ABTB3: variants seen among roughly 807,000 people sequenced by gnomAD.
ABTB3 encodes the protein ankyrin repeat- and BTB/POZ domain-containing protein 3.
chr12:107,366,706 G>A, the ABTB3 span, among the ~76,000 whole-genome samples: 2 of 152,176 alleles, frequency 1.3e-5, no homozygotes, highest in African/African-American at 4.8e-5. Flanking sequence ...AAAATGGGGT[G>A]GAAAATAGAC....
chr12:107,416,758 A>G, the ABTB3 span, among the ~76,000 whole-genome samples: 2 of 152,154 alleles, frequency 1.3e-5, no homozygotes, highest in African/African-American at 4.8e-5. Context: ...CCTCCCAAAT[A>G]GCTGTGACTA....
At chr12:107,467,500 G>A in the ABTB3 span, among the ~76,000 whole-genome samples, 1 of 152,072 alleles carries the variant, frequency 6.6e-6, no homozygotes, top group Non-Finnish European at 1.5e-5. Context: ...AATTGTTCAC[G>A]AATTGAATCT....
At chr12:107,454,613 T>G in the ABTB3 span, among the ~76,000 whole-genome samples, 1 of 152,132 alleles carries the variant, frequency 6.6e-6, no homozygotes, top group Non-Finnish European at 1.5e-5. Flanking sequence ...TTGCCACCTT[T>G]TCAGGCAGGC....
chr12:107,463,334 TTGA>T, the ABTB3 span, among the ~76,000 whole-genome samples: 5 of 151,378 alleles, frequency 3.3e-5, no homozygotes, highest in Non-Finnish European at 1.5e-5. Context: ...GTGATGGTGG[TTGA>T]TGATGATGAT....
At chr12:107,611,385 T>G in the ABTB3 span, among the ~76,000 whole-genome samples, 817 of 152,310 alleles carry the variant, frequency 5.4e-3, 6 homozygotes, top group Non-Finnish European at 8.4e-3. Flanking sequence ...CTTGCTACAC[T>G]GCCCAGGCTT....
the ABTB3 span, among the ~76,000 whole-genome samples, chr12:107,539,158 G>A: frequency 2.0e-5 from 3 of 152,100 alleles, no homozygotes; most frequent in African/African-American, 2.4e-5. Flanking sequence ...CTAAATGCCC[G>A]GAGACATGGT....
At chr12:107,544,527 C>G in the ABTB3 span, among the ~76,000 whole-genome samples, 1 of 152,178 alleles carries the variant, frequency 6.6e-6, no homozygotes, top group Non-Finnish European at 1.5e-5. Flanking sequence ...ACCAGAAGCA[C>G]CTACTCAGCC....
the ABTB3 span, among the ~76,000 whole-genome samples, chr12:107,636,672 A>G: frequency 6.6e-6 from 1 of 152,220 alleles, no homozygotes; most frequent in Non-Finnish European, 1.5e-5. Flanking sequence ...TGTGTAGAGG[A>G]AAACTGGGAT....
chr12:107,323,040 C>A, the ABTB3 span, among the ~76,000 whole-genome samples: 1 of 152,216 alleles, frequency 6.6e-6, no homozygotes, highest in African/African-American at 2.4e-5. Context: ...TTATTAGATA[C>A]CTTTTTGAGT....
chr12:107,576,943 T>C, the ABTB3 span, among the ~76,000 whole-genome samples: 1 of 152,130 alleles, frequency 6.6e-6, no homozygotes, highest in African/African-American at 2.4e-5. Flanking sequence ...CTTCTCTCCA[T>C]CTTCCCTAGT....
the ABTB3 span, among the ~76,000 whole-genome samples, chr12:107,603,917 C>G: frequency 3.3e-5 from 5 of 152,144 alleles, no homozygotes; most frequent in African/African-American, 1.2e-4. Flanking sequence ...TGCCTGTAAT[C>G]CCAGCACTTT....
chr12:107,507,486 G>A, the ABTB3 span, among the ~76,000 whole-genome samples: 1 of 152,048 alleles, frequency 6.6e-6, no homozygotes, highest in African/African-American at 2.4e-5. Flanking sequence ...TGGTTATTCT[G>A]GCCAGAACAC....
chr12:107,620,037 A>T, the ABTB3 span: 32 of 1,614,058 alleles, frequency 2.0e-5, no homozygotes, highest in Non-Finnish European at 2.7e-5. Flanking sequence ...ATCGCCTTCC[A>T]GCAGCACCGC....
the ABTB3 span, among the ~76,000 whole-genome samples, chr12:107,395,246 T>TA: frequency 5.3e-5 from 8 of 152,212 alleles, no homozygotes; most frequent in Non-Finnish European, 1.5e-5. Context: ...GGTCCTCTGC[T>TA]AACATTGTCA....
chr12:107,548,692 G>T, the ABTB3 span, among the ~76,000 whole-genome samples: 3 of 152,024 alleles, frequency 2.0e-5, no homozygotes, highest in Admixed American at 2.0e-4. Flanking sequence ...TTACGATTAG[G>T]TGATATTTAT....
At chr12:107,342,686 A>G in the ABTB3 span, among the ~76,000 whole-genome samples, 1 of 152,126 alleles carries the variant, frequency 6.6e-6, no homozygotes, top group Admixed American at 6.5e-5. Flanking sequence ...TCCTAGGCAG[A>G]GCATCCATTC....
chr12:107,577,247 G>C, the ABTB3 span, among the ~76,000 whole-genome samples: 1 of 152,190 alleles, frequency 6.6e-6, no homozygotes, highest in African/African-American at 2.4e-5. Context: ...GCTGAGCCCT[G>C]AAATAGATCA....
At chr12:107,445,515 G>T in the ABTB3 span, among the ~76,000 whole-genome samples, 1 of 152,206 alleles carries the variant, frequency 6.6e-6, no homozygotes, top group South Asian at 2.1e-4. Flanking sequence ...CCCAGGGAGT[G>T]GGTGCCCAGA....
chr12:107,412,463 A>C, the ABTB3 span, among the ~76,000 whole-genome samples: 1 of 152,228 alleles, frequency 6.6e-6, no homozygotes, highest in Non-Finnish European at 1.5e-5. Flanking sequence ...ACCAAATGGC[A>C]ATGCTGTTCA....
Sources: gnomAD v4.1 joint callset for allele counts (sites outside exome capture counted in the v4.1 genomes callset) on GRCh38, gnomAD v4.1.1 for gene constraint, MANE v1.5 for transcripts, NCBI Gene and HGNC (gene_info 2026-07-23, HGNC 2026-07-21) for gene names.